The following YAP1 variants were observed in gnomAD, a reference collection of about 807,000 sequenced individuals.
YAP1 encodes the protein transcriptional coactivator YAP1.
A neutral mutation model predicts 56.9 loss-of-function variants in YAP1; 5 were observed. The observed-to-expected ratio is 0.09, with a 90% CI of 0.05 to 0.18. The LOEUF (loss-of-function observed/expected upper bound fraction) is 0.18, where lower values mean the gene tolerates loss of function less well. YAP1 is among the 10% of genes least tolerant of loss of function. The probability of loss-of-function intolerance (pLI) is 1.00; values close to 1 mark genes in which losing one functional copy is unlikely to be tolerated. For synonymous variants in YAP1, 265 were observed against 248.1 expected (o/e 1.07, Z -0.64); for missense variants, 539 against 651.8 (o/e 0.83, Z 1.88).
chr11:102,119,108 G>C lies in YAP1; in HGVS notation c.572+4714G>C, dbSNP rs577807228. The stretch of plus-strand genomic sequence containing the variant: ...TCTTGCTATTGAGGCTGAGTGGAGA[G>C]AGAAGATGAAAGTACGCCCTTAGCT... On this transcript the variant is annotated intron_variant, in intron 2 of 8. Transcript: ENST00000282441. Among the ~76,000 whole-genome samples the C allele has an allele frequency of 1.5e-3, 222 of 151,828 alleles. 2 individuals are homozygous for C. The highest frequency in any genetic ancestry group is 4.0e-3 in the Admixed American group (61 of 15,232).
At chr11:102,135,896 C>G (rs565178974) in intron 2 of YAP1, among the ~76,000 whole-genome samples, 90 of 152,242 alleles carry the variant, frequency 5.9e-4, no homozygotes, top group African/African-American at 2.0e-3. Context: ...ATTTTTATTG[C>G]TGTATATTTT....
At chr11:102,151,226 T>C (rs1323386013) in intron 2 of YAP1, among the ~76,000 whole-genome samples, 1 of 152,164 alleles carries the variant, frequency 6.6e-6, no homozygotes, top group African/African-American at 2.4e-5. Context: ...TCTGAAGACA[T>C]ATTTGGTTGC....
chr11:102,161,284 G>A (rs1396597974), intron 2 of YAP1, among the ~76,000 whole-genome samples: 1 of 148,606 alleles, frequency 6.7e-6, no homozygotes, highest in Non-Finnish European at 1.5e-5. Flanking sequence ...GGATGGTCTC[G>A]ATCTCCTGAC....
rs111626988 is a variant in YAP1, at chr11:102,110,834, G to C, written c.-15G>C. The C allele has an allele frequency of 1.5e-3, 2,112 of 1,391,898 alleles. 26 individuals carry two copies. The African/African-American group carries it at 0.028, about 19-fold the overall frequency. The allele number at this position is 1,391,898 out of a possible 1,614,324, so 86.2% of individuals were successfully genotyped here. ...CGCCTGGGTCAGGGGGTGCGCGTCGGGGGAGGCAGAAGCCATGGATCCCGG... is the reference window on the plus strand; with the variant it reads ...CGCCTGGGTCAGGGGGTGCGCGTCGCGGGAGGCAGAAGCCATGGATCCCGG... On this transcript the variant is annotated 5_prime_UTR_variant, in exon 1 of 9. Transcript: ENST00000282441.
intron 2 of YAP1, among the ~76,000 whole-genome samples, chr11:102,122,484 G>A (rs1409401472): frequency 6.6e-6 from 1 of 152,032 alleles, no homozygotes; most frequent in Non-Finnish European, 1.5e-5. Flanking sequence ...AGTGAGAGGT[G>A]TTTGAAGAAC....
chr11:102,134,149 C>G (rs1273428570), intron 2 of YAP1, among the ~76,000 whole-genome samples: 1 of 152,162 alleles, frequency 6.6e-6, no homozygotes, highest in Non-Finnish European at 1.5e-5. Flanking sequence ...ACTGTTTTAA[C>G]TGAAAAGAGT....
At chr11:102,200,522 G>A (rs1948796983) in intron 4 of YAP1, among the ~76,000 whole-genome samples, 1 of 150,398 alleles carries the variant, frequency 6.6e-6, no homozygotes, top group Admixed American at 6.7e-5. Flanking sequence ...TCAGCGTGCT[G>A]CAACCTCTGC....
At chr11:102,187,513 G>A (rs1001482307) in intron 4 of YAP1, among the ~76,000 whole-genome samples, 4 of 152,146 alleles carry the variant, frequency 2.6e-5, no homozygotes, top group Non-Finnish European at 5.9e-5. Context: ...AACAATAACA[G>A]CCATGTTTCC....
intron 5 of YAP1, among the ~76,000 whole-genome samples, chr11:102,206,574 G>A (rs895090883): frequency 4.1e-4 from 63 of 152,158 alleles, no homozygotes; most frequent in African/African-American, 1.4e-3. Context: ...GGCCAGGTGC[G>A]GTGGCTCATG....
intron 6 of YAP1, among the ~76,000 whole-genome samples, chr11:102,223,004 G>T (rs1950014853): frequency 6.6e-6 from 1 of 151,872 alleles, no homozygotes; most frequent in Non-Finnish European, 1.5e-5. Context: ...CAGCACTTTT[G>T]GGGGGCCAAG....
At chr11:102,185,194 G>A (rs112458847) in intron 3 of YAP1, among the ~76,000 whole-genome samples, 1 of 152,122 alleles carries the variant, frequency 6.6e-6, no homozygotes, top group African/African-American at 2.4e-5. Flanking sequence ...AATTATGTTT[G>A]AATACTTTAG....
chr11:102,197,133 C>G (rs945533319), intron 4 of YAP1, among the ~76,000 whole-genome samples: 3 of 152,014 alleles, frequency 2.0e-5, no homozygotes, highest in Admixed American at 1.3e-4. Flanking sequence ...TTTAAAAAGT[C>G]TACTGTTTTG....
chr11:102,120,796 G>A (rs565604737), intron 2 of YAP1, among the ~76,000 whole-genome samples: 3 of 152,358 alleles, frequency 2.0e-5, no homozygotes, highest in South Asian at 2.1e-4. Context: ...AGTAAAGATA[G>A]TGTGCTTGTT....
Position 102,231,797 on chromosome 11 carries a change from G to A in YAP1, c.*1857G>A, listed in dbSNP as rs1472063768. 6.6e-6 allele frequency: 1 copy of A among 152,584 alleles called. No individual in the cohort carries two copies. Among genetic ancestry groups the A allele is most frequent in the East Asian group, 1.9e-4 (1 of 5,190 alleles). 9.5% of individuals were successfully genotyped at this position (152,584 alleles called of 1,614,324 possible). A position where few individuals can be genotyped will look rare whatever the true frequency, so the allele number is the denominator to read the frequency against. On this transcript the variant is annotated 3_prime_UTR_variant, in exon 9 of 9. Coordinates refer to ENST00000282441, the MANE Select transcript of YAP1 (RefSeq NM_001130145.3). Reference sequence around the variant, plus strand: ...CATAAAATCTCTTCTCCTGGCAAAAGCTGCTATGAAAAGCCTCAGCTTGGG... The same window carrying A: ...CATAAAATCTCTTCTCCTGGCAAAAACTGCTATGAAAAGCCTCAGCTTGGG...
intron 6 of YAP1, among the ~76,000 whole-genome samples, chr11:102,215,585 C>T (rs1949619087): frequency 6.6e-6 from 1 of 152,196 alleles, no homozygotes; most frequent in Non-Finnish European, 1.5e-5. Context: ...AAGAGCTTCT[C>T]CTGCCTCAAC....
intron 3 of YAP1, among the ~76,000 whole-genome samples, chr11:102,175,811 C>T (rs936100278): frequency 2.0e-5 from 3 of 152,136 alleles, no homozygotes; most frequent in East Asian, 1.9e-4. Context: ...ATGACAGCCA[C>T]GACATCTCTA....
intron 2 of YAP1, among the ~76,000 whole-genome samples, chr11:102,161,053 C>CTTTTTTTTT (rs67023819): frequency 1.3e-4 from 10 of 75,492 alleles, no homozygotes; most frequent in African/African-American, 2.2e-4. Context: ...TAATTTCTTT[C>CTTTTTTTTT]TTTTTTTTTT....
intron 2 of YAP1, among the ~76,000 whole-genome samples, chr11:102,161,313 C>G (rs528899871): frequency 6.7e-6 from 1 of 149,966 alleles, no homozygotes; most frequent in Non-Finnish European, 1.5e-5. Context: ...CTGCCCGCCT[C>G]GGCCTCCCAG....
chr11:102,211,618 C>T (rs925095023), intron 6 of YAP1, among the ~76,000 whole-genome samples: 1 of 152,102 alleles, frequency 6.6e-6, no homozygotes, highest in Non-Finnish European at 1.5e-5. Flanking sequence ...ATCAAGAAAG[C>T]ATGTGTATAT....
Sources: gnomAD v4.1 joint callset for allele counts (sites outside exome capture counted in the v4.1 genomes callset) on GRCh38, gnomAD v4.1.1 for gene constraint, MANE v1.5 for transcripts, NCBI Gene and HGNC (gene_info 2026-07-23, HGNC 2026-07-21) for gene names.